Variants in EPHA6 observed in about 807,000 individuals in gnomAD.
EPHA6 encodes the protein ephrin type-A receptor 6.
A neutral mutation model predicts 112.0 loss-of-function variants in EPHA6; 50 were observed. The ratio of observed to expected loss-of-function variants is 0.45; its 90% confidence interval spans 0.36 to 0.56. EPHA6 has a LOEUF of 0.56. EPHA6 is among the 20% of genes least tolerant of loss of function. The probability of loss-of-function intolerance (pLI) is 0.00; values close to 1 mark genes in which losing one functional copy is unlikely to be tolerated. For missense variants in EPHA6, 1,280 were observed against 1,417.4 expected (o/e 0.90, Z 1.56); for synonymous variants, 529 against 490.7 (o/e 1.08, Z -1.03).
rs111594492 is a variant in EPHA6 at position 97,617,765 on chromosome 3, G to A, written c.2574+6911G>A. On this transcript the variant is annotated intron_variant, in intron 13 of 17. Transcript: ENST00000389672. Reference sequence around the variant, plus strand: ...AATATATATGCACCAACACAGGAGCGCTCAGATTCATAAAGCAAGTTATCA... The same window carrying A: ...AATATATATGCACCAACACAGGAGCACTCAGATTCATAAAGCAAGTTATCA... Among the ~76,000 whole-genome samples the A allele has an allele frequency of 6.2e-3, 940 of 152,190 alleles. 8 individuals are homozygous for A. Among genetic ancestry groups the A allele is most frequent in the East Asian group, 0.024 (124 of 5,176 alleles).
At chr3:96,866,099 C>T (rs752692875) in intron 1 of EPHA6, among the ~76,000 whole-genome samples, 1 of 152,016 alleles carries the variant, frequency 6.6e-6, no homozygotes, top group African/African-American at 2.4e-5. Flanking sequence ...AATTGGATCC[C>T]GTTTGTGAAG....
At chr3:97,692,150 A>G (rs747558813) in intron 14 of EPHA6, among the ~76,000 whole-genome samples, 9 of 152,292 alleles carry the variant, frequency 5.9e-5, no homozygotes, top group Non-Finnish European at 1.2e-4. Flanking sequence ...ATTTATTTTC[A>G]GTATCTCTTT....
Position 97,754,065 on chromosome 3 carries a change from T to TA in EPHA6, c.*5370dup, listed in dbSNP as rs1290425264. On this transcript the variant is annotated 3_prime_UTR_variant, in exon 18 of 18. Coordinates refer to ENST00000389672, the MANE Select transcript of EPHA6 (RefSeq NM_001080448.3). ...TAACAATGAGTTTGTATAAAATGTATAAAAAATAACATTTATATCTTTTTT... is the reference window on the plus strand; with the variant it reads ...TAACAATGAGTTTGTATAAAATGTATAAAAAAATAACATTTATATCTTTTTT... Among the ~76,000 whole-genome samples the TA allele has an allele frequency of 2.7e-5, 4 of 149,530 alleles. No homozygotes were observed. The highest frequency in any genetic ancestry group is 4.5e-5 in the Non-Finnish European group (3 of 67,376).
At chr3:97,537,121 T>C (rs1034479821) in intron 11 of EPHA6, among the ~76,000 whole-genome samples, 1 of 152,194 alleles carries the variant, frequency 6.6e-6, no homozygotes, top group Non-Finnish European at 1.5e-5. Context: ...GATAAAGTTT[T>C]CAACTTATAA....
At position 97,475,212 on chromosome 3, in the gene EPHA6, C is replaced by A. The variant is rs368871643; in HGVS notation, c.1895-140C>A. 4 of 615,146 alleles carry A rather than the reference C, an allele frequency of 6.5e-6. 1 individual carries two copies. In the South Asian group the frequency reaches 8.6e-5, roughly 13 times the overall value. 38.1% of individuals were successfully genotyped at this position (615,146 alleles called of 1,614,324 possible). On this transcript the variant is annotated intron_variant, in intron 7 of 17. Transcript: ENST00000389672. ...TCATTTATTTTGGGTTTGCTTCATA[C>A]GTGTCAAATACTGAAATAAAGGCCA...
At chr3:97,356,764 T>C (rs926470089) in intron 5 of EPHA6, among the ~76,000 whole-genome samples, 1 of 152,180 alleles carries the variant, frequency 6.6e-6, no homozygotes, top group Non-Finnish European at 1.5e-5. Flanking sequence ...TGAGACAATT[T>C]TATATGCTCC....
intron 10 of EPHA6, among the ~76,000 whole-genome samples, chr3:97,528,970 T>G (rs960316268): frequency 6.6e-6 from 1 of 152,148 alleles, no homozygotes; most frequent in African/African-American, 2.4e-5. Context: ...TAACATATAT[T>G]TGAGCAAGGT....
intron 3 of EPHA6, among the ~76,000 whole-genome samples, chr3:97,025,037 G>A (rs921626265): frequency 6.6e-6 from 1 of 152,160 alleles, no homozygotes; most frequent in African/African-American, 2.4e-5. Context: ...GATGAGGCAT[G>A]CAGGCTCTGG....
chr3:97,395,046 G>T (rs1433447422), intron 5 of EPHA6, among the ~76,000 whole-genome samples: 1 of 151,486 alleles, frequency 6.6e-6, no homozygotes, highest in Non-Finnish European at 1.5e-5. Flanking sequence ...GAATTAAGAT[G>T]TGATATTTCA....
chr3:97,567,582 A>G (rs1399027014), intron 11 of EPHA6, among the ~76,000 whole-genome samples: 6 of 152,216 alleles, frequency 3.9e-5, no homozygotes, highest in Non-Finnish European at 8.8e-5. Flanking sequence ...GTAAGGTGGG[A>G]CATTAATCTA....
chr3:97,008,580 T>C (rs1447996255), intron 3 of EPHA6, among the ~76,000 whole-genome samples: 3 of 152,206 alleles, frequency 2.0e-5, no homozygotes, highest in African/African-American at 7.2e-5. Flanking sequence ...TCATAGTTTT[T>C]TATTACCCAT....
chr3:96,826,352 AT>A (rs2033658149), intron 1 of EPHA6, among the ~76,000 whole-genome samples: 1 of 151,970 alleles, frequency 6.6e-6, no homozygotes, highest in African/African-American at 2.4e-5. Flanking sequence ...TATAGATCCC[AT>A]TTTTTCAAAT....
intron 2 of EPHA6, among the ~76,000 whole-genome samples, chr3:96,925,595 T>A (rs2107641320): frequency 6.8e-6 from 1 of 146,946 alleles, no homozygotes; most frequent in South Asian, 2.1e-4. Flanking sequence ...AACAAGCTCC[T>A]TGATTTGCTG....
intron 2 of EPHA6, among the ~76,000 whole-genome samples, chr3:96,902,286 T>C (rs2038657285): frequency 6.6e-6 from 1 of 152,196 alleles, no homozygotes; most frequent in South Asian, 2.1e-4. Context: ...AGAAACATCC[T>C]AGTTAATTCA....
chr3:97,171,149 G>A (rs1323778854), intron 3 of EPHA6, among the ~76,000 whole-genome samples: 1 of 152,162 alleles, frequency 6.6e-6, no homozygotes, highest in Non-Finnish European at 1.5e-5. Flanking sequence ...AGATTTATGA[G>A]AGATGGACGG....
chr3:96,992,865 A>G (rs989923961), intron 3 of EPHA6, among the ~76,000 whole-genome samples: 16 of 152,084 alleles, frequency 1.1e-4, no homozygotes, highest in Admixed American at 4.6e-4. Flanking sequence ...CCTAACACCA[A>G]TGTCATGCCT....
intron 3 of EPHA6, chr3:97,010,099 T>G (rs558870794): frequency 7.8e-7 from 1 of 1,275,222 alleles, no homozygotes. Flanking sequence ...AGAGTAGCAT[T>G]ACTAAAATAT....
intron 7 of EPHA6, among the ~76,000 whole-genome samples, chr3:97,473,795 T>C (rs1041919480): frequency 6.6e-6 from 1 of 151,822 alleles, no homozygotes; most frequent in African/African-American, 2.4e-5. Flanking sequence ...AGTGAAGACC[T>C]AATAAAAAAC....
chr3:96,901,151 A>G (rs2038586880), intron 2 of EPHA6, among the ~76,000 whole-genome samples: 1 of 152,136 alleles, frequency 6.6e-6, no homozygotes. Context: ...ATTCATGGAG[A>G]ATGAGGCATT....
Sources: gnomAD v4.1 joint callset for allele counts (sites outside exome capture counted in the v4.1 genomes callset) on GRCh38, gnomAD v4.1.1 for gene constraint, MANE v1.5 for transcripts, NCBI Gene and HGNC (gene_info 2026-07-23, HGNC 2026-07-21) for gene names.